The following FBXL17 variants were observed in gnomAD, a reference collection of about 807,000 sequenced individuals.
FBXL17 encodes the protein F-box and leucine rich repeat protein 17, also known as F-box/LRR-repeat protein 17.
Under a neutral mutation model 66.2 loss-of-function variants are expected in FBXL17, and 22 were observed. The observed-to-expected ratio is 0.33, with a 90% confidence interval of 0.24 to 0.47. The LOEUF (loss-of-function observed/expected upper bound fraction) is 0.47. FBXL17 is among the 20% of genes least tolerant of loss of function. The pLI, the probability that FBXL17 is intolerant of heterozygous loss-of-function variation, is 1.00. For missense variants in FBXL17, 878 were observed against 948.2 expected (o/e 0.93, Z 0.97); for synonymous variants, 474 against 400.5 (o/e 1.18, Z -2.19).
chr5:108,085,490 T>C (rs564204927), intron 6 of FBXL17, among the ~76,000 whole-genome samples: 79 of 152,342 alleles, frequency 5.2e-4, no homozygotes, highest in Non-Finnish European at 9.7e-4. Flanking sequence ...TAGGCTAAGC[T>C]AATTATTCTT....
chr5:107,955,945 A>C (rs1751649543), intron 7 of FBXL17, among the ~76,000 whole-genome samples: 2 of 152,282 alleles, frequency 1.3e-5, no homozygotes, highest in South Asian at 4.1e-4. Flanking sequence ...GTTACTTGCT[A>C]AAAAATCAAT....
chr5:108,345,533 C>G (rs962092508), intron 4 of FBXL17, among the ~76,000 whole-genome samples: 2 of 150,074 alleles, frequency 1.3e-5, no homozygotes, highest in South Asian at 2.2e-4. Flanking sequence ...GTTCTACTAT[C>G]TTACTACTTT....
chr5:108,298,260 TTAC>T, intron 4 of FBXL17: 1 of 984,756 alleles, frequency 1.0e-6, no homozygotes, highest in Non-Finnish European at 1.2e-6. Flanking sequence ...TTGCTACTTC[TTAC>T]TACTATGTGA....
intron 7 of FBXL17, among the ~76,000 whole-genome samples, chr5:108,016,886 T>C (rs908111811): frequency 2.6e-5 from 4 of 151,810 alleles, no homozygotes; most frequent in Non-Finnish European, 5.9e-5. Context: ...TTCAAGCAAT[T>C]TTCCTGCCTC....
At chr5:108,073,522 A>G (rs890412687) in intron 6 of FBXL17, among the ~76,000 whole-genome samples, 5 of 152,156 alleles carry the variant, frequency 3.3e-5, no homozygotes, top group African/African-American at 1.2e-4. Flanking sequence ...AATAACCAAA[A>G]CTAAAAAACT....
chr5:107,984,738 C>T (rs1257365987), intron 7 of FBXL17, among the ~76,000 whole-genome samples: 3 of 152,106 alleles, frequency 2.0e-5, no homozygotes, highest in African/African-American at 4.8e-5. Flanking sequence ...ATTTGTTATG[C>T]TTTTAAGATA....
chr5:107,975,074 G>C (rs764776743), intron 7 of FBXL17, among the ~76,000 whole-genome samples: 4 of 152,110 alleles, frequency 2.6e-5, no homozygotes, highest in African/African-American at 4.8e-5. Context: ...TTTGTTCTGG[G>C]AGTAAAATAA....
intron 7 of FBXL17, among the ~76,000 whole-genome samples, chr5:107,945,793 C>T (rs1376564176): frequency 3.3e-5 from 5 of 152,036 alleles, no homozygotes; most frequent in East Asian, 1.9e-4. Context: ...AAATGTAATT[C>T]GGGACTTCAA....
At chr5:108,044,174 T>C (rs1410945224) in intron 6 of FBXL17, among the ~76,000 whole-genome samples, 1 of 152,202 alleles carries the variant, frequency 6.6e-6, no homozygotes, top group African/African-American at 2.4e-5. Context: ...ATGCCTTTAT[T>C]ACTTTATCTG....
In FBXL17 at chr5:108,308,448, G is replaced by A. The variant is rs140023637; in HGVS notation, c.1506+39951C>T. Among the ~76,000 whole-genome samples, 984 of 152,142 alleles carry A rather than the reference G, an allele frequency of 6.5e-3. 6 individuals carry two copies. Among genetic ancestry groups the A allele is most frequent in the Middle Eastern group, 0.024 (7 of 294 alleles). On this transcript the variant is annotated intron_variant, in intron 4 of 8. Transcript: ENST00000542267. The stretch of plus-strand genomic sequence containing the variant: ...TCACAAGGCTAGTAAGGGTGGAATG[G>A]AAATTCAAACCAGTACTATCGTCTT...
intron 5 of FBXL17, among the ~76,000 whole-genome samples, chr5:108,198,180 G>T (rs1753754317): frequency 6.6e-6 from 1 of 152,100 alleles, no homozygotes; most frequent in Non-Finnish European, 1.5e-5. Flanking sequence ...CATAGACCTA[G>T]AACACTCTAA....
intron 7 of FBXL17, among the ~76,000 whole-genome samples, chr5:107,972,471 A>G (rs1010251982): frequency 1.3e-5 from 2 of 152,160 alleles, no homozygotes; most frequent in South Asian, 2.1e-4. Context: ...CAAAGTCTGT[A>G]TTATGTTCCT....
At chr5:108,064,790 T>A (rs1371034021) in intron 6 of FBXL17, among the ~76,000 whole-genome samples, 1 of 152,176 alleles carries the variant, frequency 6.6e-6, no homozygotes, top group Non-Finnish European at 1.5e-5. Flanking sequence ...GGTGATTTTA[T>A]CTCACAGTTC....
chr5:107,889,802 CTTAT>C (rs1377874585), intron 7 of FBXL17, among the ~76,000 whole-genome samples: 3 of 152,182 alleles, frequency 2.0e-5, no homozygotes, highest in African/African-American at 4.8e-5. Flanking sequence ...CTTGCCCCTT[CTTAT>C]TTATTTTTAT....
chr5:108,098,156 T>TAA (rs932495562), intron 6 of FBXL17, among the ~76,000 whole-genome samples: 1 of 151,336 alleles, frequency 6.6e-6, no homozygotes. Context: ...GATCATCTTC[T>TAA]AAAAAAAAAC....
chr5:107,945,405 A>G (rs1440092222), intron 7 of FBXL17, among the ~76,000 whole-genome samples: 3 of 152,284 alleles, frequency 2.0e-5, no homozygotes, highest in South Asian at 2.1e-4. Flanking sequence ...TAGACACAAG[A>G]AGATACACAA....
chr5:108,300,185 A>G (rs924252357), intron 4 of FBXL17, among the ~76,000 whole-genome samples: 1 of 152,010 alleles, frequency 6.6e-6, no homozygotes, highest in Non-Finnish European at 1.5e-5. Context: ...ATAATTTTCA[A>G]AAGTTTTACT....
intron 4 of FBXL17, among the ~76,000 whole-genome samples, chr5:108,249,375 G>A (rs1360650955): frequency 6.6e-6 from 1 of 152,020 alleles, no homozygotes; most frequent in African/African-American, 2.4e-5. Context: ...AAACATGAGA[G>A]GAACAAAATA....
chr5:108,222,677 T>A (rs1754919673), intron 5 of FBXL17, among the ~76,000 whole-genome samples: 1 of 148,396 alleles, frequency 6.7e-6, no homozygotes, highest in Non-Finnish European at 1.5e-5. Flanking sequence ...GGCATCTTTT[T>A]TTTTTTTTTT....
Sources: gnomAD v4.1 joint callset for allele counts (sites outside exome capture counted in the v4.1 genomes callset) on GRCh38, gnomAD v4.1.1 for gene constraint, MANE v1.5 for transcripts, NCBI Gene and HGNC (gene_info 2026-07-23, HGNC 2026-07-21) for gene names.